Variants in LRRIQ3 observed in about 807,000 individuals in gnomAD.
LRRIQ3 encodes leucine rich repeats and IQ motif containing 3.
LRRIQ3 carries 75 observed loss-of-function variants against 59.3 expected under a neutral mutation model. The ratio of observed to expected loss-of-function variants is 1.26; its 90% CI spans 1.05 to 1.53. LRRIQ3 has a LOEUF of 1.53. LRRIQ3 is among the 40% of genes most tolerant of loss of function. LRRIQ3 has a pLI of 0.00. For missense variants in LRRIQ3, 831 were observed against 710.0 expected (o/e 1.17, Z -1.94); for synonymous variants, 250 against 231.3 (o/e 1.08, Z -0.73).
At chr1:74,187,509 C>A (rs1650480123) in intron 1 of LRRIQ3, among the ~76,000 whole-genome samples, 1 of 151,942 alleles carries the variant, frequency 6.6e-6, no homozygotes, top group African/African-American at 2.4e-5. Flanking sequence ...ATCATAAGTT[C>A]TCACATATAA....
chr1:74,115,119 A>G (rs536367971), intron 4 of LRRIQ3, among the ~76,000 whole-genome samples: 9 of 152,236 alleles, frequency 5.9e-5, no homozygotes, highest in African/African-American at 2.2e-4. Flanking sequence ...ACCTACAGAT[A>G]TTAAAACCTA....
At chr1:74,134,999 T>A (rs1647097847) in intron 4 of LRRIQ3, among the ~76,000 whole-genome samples, 1 of 151,950 alleles carries the variant, frequency 6.6e-6, no homozygotes, top group Non-Finnish European at 1.5e-5. Flanking sequence ...CTAACTACAA[T>A]CTGTCTACAA....
At chr1:74,115,174 C>T (rs1646761747) in intron 4 of LRRIQ3, among the ~76,000 whole-genome samples, 1 of 152,014 alleles carries the variant, frequency 6.6e-6, no homozygotes, top group Non-Finnish European at 1.5e-5. Context: ...TCATGAATTG[C>T]TCAATCATTC....
At chr1:74,180,852 C>T in intron 3 of LRRIQ3, 2 of 1,497,790 alleles carry the variant, frequency 1.3e-6, no homozygotes, top group Non-Finnish European at 1.8e-6. Flanking sequence ...CTTCCCCATC[C>T]ACCCTAGCTA....
intron 7 of LRRIQ3, among the ~76,000 whole-genome samples, chr1:74,030,465 C>A (rs1342210414): frequency 6.6e-6 from 1 of 152,092 alleles, no homozygotes; most frequent in Non-Finnish European, 1.5e-5. Context: ...CACACATCTA[C>A]AACTATCTGA....
chr1:74,071,048 T>C (rs7535190), intron 6 of LRRIQ3, among the ~76,000 whole-genome samples: 66,332 of 146,604 alleles, frequency 0.45, 16,286 homozygotes, highest in East Asian at 0.8. Context: ...CACACACACA[T>C]ACACACACAT....
At chr1:74,195,158 C>G (rs1436245956) in intron 1 of LRRIQ3, among the ~76,000 whole-genome samples, 1 of 152,052 alleles carries the variant, frequency 6.6e-6, no homozygotes, top group Non-Finnish European at 1.5e-5. Flanking sequence ...TGAGAACAGG[C>G]TAGCTGAGTA....
intron 5 of LRRIQ3, among the ~76,000 whole-genome samples, chr1:74,100,801 A>T (rs996812371): frequency 6.6e-6 from 1 of 152,190 alleles, no homozygotes; most frequent in South Asian, 2.1e-4. Flanking sequence ...AAAAACAAGA[A>T]ATGGGGAAAG....
intron 5 of LRRIQ3, among the ~76,000 whole-genome samples, chr1:74,107,968 A>T (rs996311465): frequency 6.6e-6 from 1 of 151,778 alleles, no homozygotes; most frequent in Admixed American, 6.6e-5. Context: ...AAAAAACTTC[A>T]TAATATTCAA....
intron 5 of LRRIQ3, among the ~76,000 whole-genome samples, chr1:74,091,209 T>A (rs1342374085): frequency 6.6e-6 from 1 of 152,086 alleles, no homozygotes; most frequent in African/African-American, 2.4e-5. Context: ...TAAAACAGGC[T>A]GTAAATTAAA....
At chr1:74,115,110 C>A (rs1174626419) in intron 4 of LRRIQ3, among the ~76,000 whole-genome samples, 2 of 151,944 alleles carry the variant, frequency 1.3e-5, no homozygotes, top group Non-Finnish European at 2.9e-5. Flanking sequence ...ATTTCCACAA[C>A]CTACAGATAT....
Position 74,144,322 on chromosome 1 carries a change from T to C in LRRIQ3, c.707+11411A>G, listed in dbSNP as rs1380993521. 4 of 217,570 alleles carry C rather than the reference T, an allele frequency of 1.8e-5. No homozygotes were observed. In the Admixed American group the frequency reaches 2.5e-4, roughly 13 times the overall value. The allele number at this position is 217,570 out of a possible 1,614,324, so 13.5% of individuals were successfully genotyped here. On this transcript the variant is annotated intron_variant, in intron 4 of 7. Transcript: ENST00000354431. Reference sequence around the variant, plus strand: ...CAAATACTCCCCAAGTAATCAACAATGCAGATTTCTAAGTTAGTTATCATA... The same window carrying C: ...CAAATACTCCCCAAGTAATCAACAACGCAGATTTCTAAGTTAGTTATCATA...
intron 3 of LRRIQ3, among the ~76,000 whole-genome samples, chr1:74,162,262 CTAAT>C (rs952371757): frequency 4.0e-4 from 61 of 151,850 alleles, no homozygotes; most frequent in African/African-American, 1.4e-3. Context: ...GAGACGTGTA[CTAAT>C]TAATTTATCC....
At chr1:74,099,115 G>A (rs1313119770) in intron 5 of LRRIQ3, among the ~76,000 whole-genome samples, 2 of 152,028 alleles carry the variant, frequency 1.3e-5, no homozygotes, top group African/African-American at 2.4e-5. Flanking sequence ...ATGAATTCAG[G>A]AGCTGGTTTT....
At chr1:74,123,841 A>G (rs1188875797) in intron 4 of LRRIQ3, among the ~76,000 whole-genome samples, 1 of 151,980 alleles carries the variant, frequency 6.6e-6, no homozygotes, top group East Asian at 1.9e-4. Context: ...GGAATGCTGG[A>G]TCATATGGTA....
rs754141533 is a variant in LRRIQ3, at chr1:74,041,809, T to A, written c.1122A>T (p.Lys374Asn). The A allele has an allele frequency of 1.1e-5, 18 of 1,613,592 alleles. No individual in the cohort carries two copies. Among genetic ancestry groups the A allele is most frequent in the Non-Finnish European group, 1.5e-5 (18 of 1,179,746 alleles). The change falls in exon 7 of 8, where the codon AAA becomes AAT. Residue 374 changes from lysine to asparagine, a missense_variant. Coordinates refer to ENST00000354431, the MANE Select transcript of LRRIQ3 (RefSeq NM_001105659.2). ...LKNNAVLREK[K>N]QHFFPAYPQP... The stretch of plus-strand genomic sequence containing the variant: ...GAGGATATGCAGGAAAAAAATGTTG[T>A]TTTTTCTCTCTCAATACTGCATTAT...
chr1:74,138,444 T>A (rs1209661290), intron 4 of LRRIQ3: 3 of 978,874 alleles, frequency 3.1e-6, no homozygotes, highest in African/African-American at 3.5e-5. Context: ...ACATACTTAC[T>A]TTTTGGTGTC....
chr1:74,131,471 C>A (rs1647019098), intron 4 of LRRIQ3, among the ~76,000 whole-genome samples: 2 of 152,104 alleles, frequency 1.3e-5, no homozygotes. Flanking sequence ...ATGCAAAATT[C>A]CTCGATAAAA....
At chr1:74,061,451 G>T (rs779693232) in intron 6 of LRRIQ3, among the ~76,000 whole-genome samples, 1 of 151,938 alleles carries the variant, frequency 6.6e-6, no homozygotes, top group African/African-American at 2.4e-5. Flanking sequence ...TTTAAAATTC[G>T]TATGGAACCA....
Sources: allele counts gnomAD v4.1 joint callset (sites outside exome capture counted in the v4.1 genomes callset), GRCh38; gene constraint gnomAD v4.1.1; transcripts MANE v1.5; gene names NCBI Gene and HGNC (gene_info 2026-07-23, HGNC 2026-07-21).